The following RALGPS1 variants were observed in gnomAD, a reference collection of about 807,000 sequenced individuals.
RALGPS1 encodes Ral GEF with PH domain and SH3 binding motif 1, also known as ras-specific guanine nucleotide-releasing factor RalGPS1.
RALGPS1 carries 19 observed loss-of-function variants against 78.8 expected under a neutral mutation model. The ratio of observed to expected loss-of-function variants is 0.24; its 90% CI spans 0.17 to 0.35. The LOEUF is 0.35. Among genes scored for constraint, RALGPS1 ranks in the 10% least tolerant of loss-of-function variants. The pLI, the probability that RALGPS1 is intolerant of heterozygous loss-of-function variation, is 1.00. For missense variants in RALGPS1, 454 were observed against 688.3 expected (o/e 0.66, Z 3.81); for synonymous variants, 228 against 256.3 (o/e 0.89, Z 1.06).
chr9:126,946,513 G>A (rs1222342391), intron 1 of RALGPS1, among the ~76,000 whole-genome samples: 3 of 141,388 alleles, frequency 2.1e-5, no homozygotes, highest in Admixed American at 1.5e-4. Flanking sequence ...CAGCCTGGGT[G>A]AGGGAGCAAG....
chr9:126,969,025 G>T (rs2039825529), intron 3 of RALGPS1, among the ~76,000 whole-genome samples: 2 of 151,552 alleles, frequency 1.3e-5, no homozygotes, highest in African/African-American at 4.9e-5. Flanking sequence ...TCCAGCCTGG[G>T]CAAAAAGAGC....
At chr9:126,940,440 A>ATT (rs1247677223) in intron 1 of RALGPS1, among the ~76,000 whole-genome samples, 5 of 78,130 alleles carry the variant, frequency 6.4e-5, no homozygotes, top group East Asian at 5.0e-4. Context: ...GTATATATAT[A>ATT]ATTTTTTTTT....
intron 10 of RALGPS1, among the ~76,000 whole-genome samples, chr9:127,169,701 A>C (rs1328439197): frequency 6.6e-6 from 1 of 152,244 alleles, no homozygotes; most frequent in Non-Finnish European, 1.5e-5. Context: ...GTGCGAAAGC[A>C]ACGCACATTC....
At chr9:126,932,122 A>G (rs1485515290) in intron 1 of RALGPS1, among the ~76,000 whole-genome samples, 2 of 152,158 alleles carry the variant, frequency 1.3e-5, no homozygotes, top group African/African-American at 4.8e-5. Flanking sequence ...TCCAACTCAC[A>G]TTGGGTCTGT....
At chr9:127,035,879 C>G (rs1011634103) in intron 5 of RALGPS1, among the ~76,000 whole-genome samples, 1 of 152,064 alleles carries the variant, frequency 6.6e-6, no homozygotes, top group Middle Eastern at 3.4e-3. Context: ...AAAATCGTCT[C>G]TTTTCAACTG....
intron 9 of RALGPS1, 71 bp downstream of exon 9, chr9:127,166,277 T>C: frequency 6.4e-7 from 1 of 1,550,698 alleles, no homozygotes; most frequent in Non-Finnish European, 8.8e-7. Context: ...GTGAGAAAGC[T>C]CTAGAAACCT....
At chr9:126,963,797 G>T (rs1018168012) in intron 2 of RALGPS1, among the ~76,000 whole-genome samples, 4 of 152,156 alleles carry the variant, frequency 2.6e-5, no homozygotes, top group African/African-American at 9.7e-5. Context: ...CCTGACTCTC[G>T]AGCCGGTGCT....
Position 127,175,990 on chromosome 9 carries a change from G to A in RALGPS1, c.910+1208G>A, listed in dbSNP as rs538626120. Among the ~76,000 whole-genome samples, 1,118 of 152,276 alleles carry A rather than the reference G, an allele frequency of 7.3e-3. 6 individuals carry two copies. Among genetic ancestry groups the A allele is most frequent in the Non-Finnish European group, 0.012 (806 of 68,008 alleles). On this transcript the variant is annotated intron_variant, in intron 11 of 18. Coordinates refer to ENST00000259351, the MANE Select transcript of RALGPS1 (RefSeq NM_014636.3). ...GCCTCTCATGAGCCCCACCCAGTAA[G>A]GCTCTGCCCTGATTCCCAGGGGGGA...
intron 8 of RALGPS1, among the ~76,000 whole-genome samples, chr9:127,071,973 C>T (rs2050241919): frequency 6.6e-6 from 1 of 152,230 alleles, no homozygotes; most frequent in South Asian, 2.1e-4. Flanking sequence ...GCATTTCCCT[C>T]TAGCTAACCC....
At chr9:127,093,944 C>G (rs867382) in intron 8 of RALGPS1, 64,133 of 1,611,310 alleles carry the variant, frequency 0.04, 1,500 homozygotes, top group Non-Finnish European at 0.047. Context: ...CACAGACATG[C>G]ATATACATCA....
At chr9:127,036,892 T>C (rs541630683) in intron 5 of RALGPS1, among the ~76,000 whole-genome samples, 1 of 152,290 alleles carries the variant, frequency 6.6e-6, no homozygotes, top group African/African-American at 2.4e-5. Context: ...AATTTTAGGG[T>C]GTTCACTGCC....
At chr9:127,158,964 TGTGGG>T in intron 8 of RALGPS1, among the ~76,000 whole-genome samples, 1 of 151,734 alleles carries the variant, frequency 6.6e-6, no homozygotes, top group South Asian at 2.1e-4. Context: ...GGGTTATGAG[TGTGGG>T]AGGTATAATT....
intron 8 of RALGPS1, among the ~76,000 whole-genome samples, chr9:127,085,471 G>A (rs1418190001): frequency 6.6e-6 from 1 of 152,168 alleles, no homozygotes; most frequent in Non-Finnish European, 1.5e-5. Flanking sequence ...TAGGGTGCTT[G>A]GACAGAGCCC....
rs1359062465 is a variant in RALGPS1, at chr9:127,223,152, G to A, written c.*4383G>A. The A allele has an allele frequency of 6.6e-6, 1 of 152,622 alleles. No individual in the cohort carries two copies. Among genetic ancestry groups the A allele is most frequent in the African/African-American group, 2.4e-5 (1 of 41,444 alleles). 9.5% of individuals were successfully genotyped at this position (152,622 alleles called of 1,614,324 possible). The stretch of plus-strand genomic sequence containing the variant: ...ATCTTTGTTTACTTTGAAATTAAAT[G>A]TGTTTTCCAATGAATGTTGCTCAGT... On this transcript the variant is annotated 3_prime_UTR_variant, in exon 19 of 19. Coordinates refer to ENST00000259351, the MANE Select transcript of RALGPS1 (RefSeq NM_014636.3).
At chr9:127,166,022 G>A (rs1564702253) in intron 8 of RALGPS1, 47 bp from the exon 9 acceptor site, 1 of 1,570,698 alleles carries the variant, frequency 6.4e-7, no homozygotes, top group African/African-American at 1.4e-5. Flanking sequence ...TTTTGTTCTG[G>A]TTTGTGGTAA....
Position 127,132,012 on chromosome 9 carries a change from C to G in RALGPS1, c.611-34057C>G, listed in dbSNP as rs2057038202. 2.0e-5 allele frequency among the ~76,000 whole-genome samples: 3 copies of G among 152,176 alleles called. No individual in the cohort carries two copies. The South Asian group carries it at 6.2e-4, about 32-fold the overall frequency. Reference sequence around the variant, plus strand: ...GAGGCCCTTGCTGTGGGAACCACTCCTCGAGATAGAGGAGTTTGCCATGAA... The same window carrying G: ...GAGGCCCTTGCTGTGGGAACCACTCGTCGAGATAGAGGAGTTTGCCATGAA... On this transcript the variant is annotated intron_variant, in intron 8 of 18. Coordinates refer to ENST00000259351, the MANE Select transcript of RALGPS1 (RefSeq NM_014636.3).
At chr9:127,087,585 C>T (rs1006566498) in intron 8 of RALGPS1, 1 of 152,560 alleles carries the variant, frequency 6.6e-6, no homozygotes, top group African/African-American at 2.4e-5. Flanking sequence ...ATCCCTTGCC[C>T]CTTCTTGGCA....
intron 1 of RALGPS1, among the ~76,000 whole-genome samples, chr9:126,938,317 A>G (rs1268071668): frequency 2.6e-5 from 4 of 152,324 alleles, no homozygotes; most frequent in African/African-American, 9.6e-5. Flanking sequence ...TCCCTCTCTG[A>G]TGCTTGCTTT....
Position 127,069,282 on chromosome 9 carries a change from C to G in RALGPS1, c.536C>G (p.Ser179Trp). 6.2e-7 allele frequency: 1 copy of G among 1,613,208 alleles called. No individual in the cohort carries two copies. Among genetic ancestry groups the G allele is most frequent in the Non-Finnish European group, 8.5e-7 (1 of 1,179,202 alleles). Residue 179 changes from serine to tryptophan, a missense_variant, in exon 8 of 19, where the codon TCG becomes TGG. By Grantham distance (177) the Ser-to-Trp change is radical. Transcript: ENST00000259351. ...TTTGAGAAATTGGACTACCTGATGTCGAAAGAAGATAATTACAAGCGGACA... is the reference window on the plus strand; with the variant it reads ...TTTGAGAAATTGGACTACCTGATGTGGAAAGAAGATAATTACAAGCGGACA... ...TTFEKLDYLMSKEDNYKRTRE... is the reference protein window; with the variant it reads ...TTFEKLDYLMWKEDNYKRTRE...
Sources: gnomAD v4.1 joint callset for allele counts (sites outside exome capture counted in the v4.1 genomes callset) on GRCh38, gnomAD v4.1.1 for gene constraint, MANE v1.5 for transcripts, NCBI Gene and HGNC (gene_info 2026-07-23, HGNC 2026-07-21) for gene names.